The following FANCL variants were observed in gnomAD, a reference collection of about 807,000 sequenced individuals.
The protein encoded by FANCL is E3 ubiquitin-protein ligase FANCL.
In FANCL, 69 loss-of-function variants were observed where a neutral mutation model predicts 59.4. The observed-to-expected ratio is 1.16, with a 90% CI of 0.96 to 1.42. The LOEUF is 1.42. Ranked by LOEUF, FANCL falls within the 40% of genes most tolerant of loss-of-function variation. The probability of loss-of-function intolerance (pLI) is 0.00; values close to 1 mark genes in which losing one functional copy is unlikely to be tolerated. For synonymous variants in FANCL, 180 were observed against 147.1 expected, an observed-to-expected ratio of 1.22 and a Z score of -1.62; for missense variants, 519 against 447.2, an observed-to-expected ratio of 1.16 and a Z score of -1.45.
chr2:58,189,840 AT>A (rs958797799), intron 7 of FANCL, among the ~76,000 whole-genome samples: 1 of 151,918 alleles, frequency 6.6e-6, no homozygotes, highest in East Asian at 1.9e-4. Flanking sequence ...TAATAGCATA[AT>A]TTTCTGGTAC....
intron 3 of FANCL, among the ~76,000 whole-genome samples, chr2:58,228,109 T>C (rs923685139): frequency 4.0e-5 from 6 of 151,864 alleles, no homozygotes; most frequent in African/African-American, 1.5e-4. Flanking sequence ...AAACTACCTA[T>C]AATTGTGATT....
chr2:58,178,949 G>A (rs564948240), intron 7 of FANCL, among the ~76,000 whole-genome samples: 112 of 152,190 alleles, frequency 7.4e-4, no homozygotes, highest in African/African-American at 2.6e-3. Context: ...CAGACAAACA[G>A]AGAGACAAAT....
intron 7 of FANCL, among the ~76,000 whole-genome samples, chr2:58,170,351 C>T (rs1426497504): frequency 6.6e-6 from 1 of 152,170 alleles, no homozygotes; most frequent in East Asian, 1.9e-4. Context: ...GATCTTGTCA[C>T]CACCAGGCCT....
intron 12 of FANCL, among the ~76,000 whole-genome samples, chr2:58,161,142 C>G (rs1685093492): frequency 6.6e-6 from 1 of 151,944 alleles, no homozygotes; most frequent in Non-Finnish European, 1.5e-5. Flanking sequence ...GTACTAATTT[C>G]ATTTTCACTG....
chr2:58,161,331 C>A (rs1038449813), intron 12 of FANCL, among the ~76,000 whole-genome samples, 191 bp downstream of exon 12: 2 of 151,862 alleles, frequency 1.3e-5, no homozygotes, highest in African/African-American at 4.8e-5. Flanking sequence ...CAGAACATTT[C>A]TCCACTCATT....
At chr2:58,241,160 C>T (rs1319040796) in intron 1 of FANCL, 58 bp downstream of exon 1, 1 of 1,575,898 alleles carries the variant, frequency 6.3e-7, no homozygotes, top group African/African-American at 1.3e-5. Flanking sequence ...ACAGACTTCT[C>T]CGCGCAGCTA....
chr2:58,214,434 G>A (rs553147194), intron 5 of FANCL, among the ~76,000 whole-genome samples: 1 of 151,824 alleles, frequency 6.6e-6, no homozygotes, highest in African/African-American at 2.4e-5. Flanking sequence ...TTCTTATCGT[G>A]GTCATAATTC....
intron 7 of FANCL, among the ~76,000 whole-genome samples, chr2:58,178,615 A>C (rs554733480): frequency 1.3e-5 from 2 of 152,194 alleles, no homozygotes; most frequent in Non-Finnish European, 2.9e-5. Flanking sequence ...ACAAACCCAC[A>C]GTCAATATCA....
intron 4 of FANCL, among the ~76,000 whole-genome samples, chr2:58,223,216 C>T (rs1031756363): frequency 6.6e-6 from 1 of 150,772 alleles, no homozygotes; most frequent in African/African-American, 2.4e-5. Context: ...AGGGTAAGCT[C>T]CTAGAAGACA....
intron 5 of FANCL, among the ~76,000 whole-genome samples, chr2:58,206,212 G>A (rs547677667): frequency 2.0e-5 from 3 of 152,058 alleles, no homozygotes; most frequent in Admixed American, 6.6e-5. Context: ...AAACAGTAAA[G>A]CTAATGGAAA....
chr2:58,198,553 TAC>T (rs1407374460), intron 7 of FANCL, 39 bp downstream of exon 7: 1 of 1,550,578 alleles, frequency 6.4e-7, no homozygotes, highest in Non-Finnish European at 8.9e-7. Flanking sequence ...ACTTTTTAAT[TAC>T]TTAAAACAAA....
At position 58,180,048 on chromosome 2, in the gene FANCL, C is replaced by T. The variant is rs141272602; in HGVS notation, c.541-14174G>A. Among the ~76,000 whole-genome samples the T allele has an allele frequency of 2.0e-3, 306 of 152,114 alleles. 4 individuals carry two copies. The highest frequency in any genetic ancestry group is 7.2e-3 in the African/African-American group (297 of 41,504). ...TACTACCACATGCCAGTTAGAATGG[C>T]GATCATTAAAAAGTCAGGAAACAAC... is the stretch of plus-strand genomic sequence containing the variant. On this transcript the variant is annotated intron_variant, in intron 7 of 13. Transcript: ENST00000233741.
chr2:58,237,140 A>C (rs1694098418), intron 1 of FANCL, among the ~76,000 whole-genome samples: 2 of 152,148 alleles, frequency 1.3e-5, no homozygotes, highest in African/African-American at 4.8e-5. Context: ...GCATTTATAT[A>C]ATACTCTACC....
intron 3 of FANCL, 71 bp from the exon 4 acceptor site, chr2:58,226,855 T>A (rs1026442580): frequency 7.8e-7 from 1 of 1,290,094 alleles, no homozygotes; most frequent in South Asian, 1.2e-5. Context: ...TGTAAAAAAA[T>A]GTAGGCCCAA....
At chr2:58,207,917 G>A (rs374081102) in intron 5 of FANCL, among the ~76,000 whole-genome samples, 1 of 152,068 alleles carries the variant, frequency 6.6e-6, no homozygotes, top group African/African-American at 2.4e-5. Context: ...AAACTAACTC[G>A]TCATGGTGGC....
intron 3 of FANCL, 101 bp downstream of exon 3, chr2:58,229,713 C>A: frequency 1.1e-6 from 1 of 879,872 alleles, no homozygotes; most frequent in Non-Finnish European, 1.9e-6. Flanking sequence ...AACTATTAAA[C>A]CAGTTTGTTA....
chr2:58,190,737 C>G lies in FANCL; in HGVS notation c.540+7857G>C, dbSNP rs1395678447. Among the ~76,000 whole-genome samples the G allele has an allele frequency of 2.0e-5, 3 of 151,834 alleles. No individual in the cohort carries two copies. In the East Asian group the frequency reaches 5.8e-4, roughly 29 times the overall value. ...GACAATGTTATTCTCACAGCCAGAG[C>G]CAAGGAACTAACAGTGACATCATTT... On this transcript the variant is annotated intron_variant, in intron 7 of 13. Coordinates refer to ENST00000233741, the MANE Select transcript of FANCL (RefSeq NM_018062.4).
At chr2:58,163,167 T>C (rs1685460168) in intron 9 of FANCL, 93 bp from the exon 10 acceptor site, 1 of 1,121,666 alleles carries the variant, frequency 8.9e-7, no homozygotes, top group African/African-American at 1.6e-5. Flanking sequence ...AACTACTTGA[T>C]TAGAAAATCA....
At chr2:58,174,787 C>T (rs1479884716) in intron 7 of FANCL, among the ~76,000 whole-genome samples, 3 of 151,954 alleles carry the variant, frequency 2.0e-5, no homozygotes, top group Non-Finnish European at 2.9e-5. Flanking sequence ...ATAACTAAAA[C>T]CAGAGCAGAA....
Sources: gnomAD v4.1 joint callset for allele counts (sites outside exome capture counted in the v4.1 genomes callset) on GRCh38, gnomAD v4.1.1 for gene constraint, MANE v1.5 for transcripts, NCBI Gene and HGNC (gene_info 2026-07-23, HGNC 2026-07-21) for gene names.